PIK3CB: variants seen among roughly 807,000 people sequenced by gnomAD.
PIK3CB encodes phosphatidylinositol 4,5-bisphosphate 3-kinase catalytic subunit beta isoform.
A neutral mutation model predicts 136.8 loss-of-function variants in PIK3CB; 39 were observed. That is an observed-to-expected ratio of 0.29 (90% CI 0.22 to 0.37). The LOEUF (loss-of-function observed/expected upper bound fraction) is 0.37, where lower values mean the gene tolerates loss of function less well. Ranked by LOEUF, PIK3CB falls within the 10% of genes least tolerant of loss-of-function variation. The pLI, the probability that PIK3CB is intolerant of heterozygous loss-of-function variation, is 1.00. For missense variants in PIK3CB, 868 were observed against 1,275.4 expected, an observed-to-expected ratio of 0.68 and a Z score of 4.87; for synonymous variants, 428 against 436.6, an observed-to-expected ratio of 0.98 and a Z score of 0.25.
chr3:138,684,507 C>G, intron 17 of PIK3CB, 118 bp downstream of exon 17: 1 of 611,580 alleles, frequency 1.6e-6, no homozygotes, highest in Non-Finnish European at 2.6e-6. Context: ...TTAAGATTTT[C>G]CTTCCTTAAT....
chr3:138,776,922 C>CAAA lies in PIK3CB; in HGVS notation c.-16-17566_-16-17564dup, dbSNP rs11435742. ...TTGGTGACAGAGTGAGACTCTACCT[C>CAAA]AAAAAAAAAAAAAAAAAAAAAGAAT... On this transcript the variant is annotated intron_variant, in intron 2 of 23. Coordinates refer to ENST00000674063, the MANE Select transcript of PIK3CB (RefSeq NM_006219.3). Among the ~76,000 whole-genome samples, 180 of 56,652 alleles carry CAAA rather than the reference C, an allele frequency of 3.2e-3. 1 individual carries two copies. The Middle Eastern group carries it at 0.044, about 14-fold the overall frequency. 37.2% of individuals were successfully genotyped at this position (56,652 alleles called of 152,430 possible).
chr3:138,802,367 C>T (rs1341153268), intron 1 of PIK3CB, among the ~76,000 whole-genome samples: 1 of 146,532 alleles, frequency 6.8e-6, no homozygotes, highest in Non-Finnish European at 1.5e-5. Flanking sequence ...GTGACAGAGA[C>T]TCCATCTCAA....
In PIK3CB at chr3:138,731,878, G is replaced by A. The variant is rs2044982182; in HGVS notation, c.1050+1483C>T. Among the ~76,000 whole-genome samples, 3 of 151,782 alleles carry A rather than the reference G, an allele frequency of 2.0e-5. 1 individual carries two copies. In the South Asian group the frequency reaches 6.2e-4, roughly 32 times the overall value. On this transcript the variant is annotated intron_variant, in intron 8 of 23. Transcript: ENST00000674063. ...TGTGCCTGTAGTCCCAGTTACTGGG[G>A]AGGCTAAGGTAGAAGAATTGCTTGA...
rs1236586278 is a variant in PIK3CB at position 138,834,806 on chromosome 3, C to G, written c.-233G>C. On this transcript the variant is annotated 5_prime_UTR_variant, in exon 1 of 24. Coordinates refer to ENST00000674063, the MANE Select transcript of PIK3CB (RefSeq NM_006219.3). ...CCCCCATCCCTGCCTCTCTCGATCACCTCCCGCCTGCCCCGCGCAGCACTA... is the reference window on the plus strand; with the variant it reads ...CCCCCATCCCTGCCTCTCTCGATCAGCTCCCGCCTGCCCCGCGCAGCACTA... The G allele has an allele frequency of 2.0e-5, 3 of 153,326 alleles. No homozygotes were observed. Among genetic ancestry groups the G allele is most frequent in the African/African-American group, 7.2e-5 (3 of 41,392 alleles). The allele number at this position is 153,326 out of a possible 1,614,324, so 9.5% of individuals were successfully genotyped here.
At chr3:138,693,943 A>ATATATATATATATATATATAT (rs2044066528) in intron 14 of PIK3CB, among the ~76,000 whole-genome samples, 3 of 36,964 alleles carry the variant, frequency 8.1e-5, no homozygotes, top group African/African-American at 2.2e-4. Context: ...TAAAATATAT[A>ATATATATATATATATATATAT]TATATATATA....
intron 1 of PIK3CB, among the ~76,000 whole-genome samples, chr3:138,826,505 T>G (rs1190442262): frequency 2.7e-5 from 4 of 150,416 alleles, no homozygotes; most frequent in East Asian, 1.9e-4. Context: ...TTGGGTTTTT[T>G]TTTTTTTTTT....
chr3:138,698,669 G>A (rs1457326296), intron 13 of PIK3CB, among the ~76,000 whole-genome samples: 1 of 152,102 alleles, frequency 6.6e-6, no homozygotes, highest in Non-Finnish European at 1.5e-5. Flanking sequence ...ATTGTCCCAA[G>A]ATCAATGTTT....
intron 1 of PIK3CB, among the ~76,000 whole-genome samples, chr3:138,807,669 G>A (rs2046249278): frequency 6.6e-6 from 1 of 151,998 alleles, no homozygotes; most frequent in Non-Finnish European, 1.5e-5. Flanking sequence ...AAGGTGGGAG[G>A]ATCACTTGAG....
At chr3:138,681,385 T>G (rs904432346) in intron 19 of PIK3CB, among the ~76,000 whole-genome samples, 1 of 152,154 alleles carries the variant, frequency 6.6e-6, no homozygotes. Context: ...TTTTCACATC[T>G]TTTCCTTATG....
chr3:138,805,109 C>A (rs1024081889), intron 1 of PIK3CB, among the ~76,000 whole-genome samples: 1 of 151,484 alleles, frequency 6.6e-6, no homozygotes, highest in Non-Finnish European at 1.5e-5. Flanking sequence ...CAGAGGCAGG[C>A]GGATCACCTG....
intron 1 of PIK3CB, among the ~76,000 whole-genome samples, chr3:138,807,383 G>A (rs1005421355): frequency 3.9e-5 from 6 of 152,088 alleles, no homozygotes; most frequent in African/African-American, 1.4e-4. Flanking sequence ...GCAGTGAGCC[G>A]AGATTGTGCC....
chr3:138,739,060 T>G (rs1034400548), intron 5 of PIK3CB, among the ~76,000 whole-genome samples: 2 of 152,154 alleles, frequency 1.3e-5, no homozygotes, highest in African/African-American at 4.8e-5. Context: ...AAACCTAATC[T>G]CTAATGTGAT....
rs2045960281 is a variant in PIK3CB, at chr3:138,784,931, G to A, written c.-17+11532C>T. Among the ~76,000 whole-genome samples, 6 of 151,964 alleles carry A rather than the reference G, an allele frequency of 3.9e-5. No homozygotes were observed. In the South Asian group the frequency reaches 1.2e-3, roughly 32 times the overall value. On this transcript the variant is annotated intron_variant, in intron 2 of 23. Transcript: ENST00000674063. The stretch of plus-strand genomic sequence containing the variant: ...AGCCCCTCTGCCCGGCCGCCACCCC[G>A]TCTGGGAGGTGAGGAGCGTCTCTGC...
At chr3:138,743,911 T>C (rs2045293483) in intron 4 of PIK3CB, among the ~76,000 whole-genome samples, 1 of 152,212 alleles carries the variant, frequency 6.6e-6, no homozygotes, top group Admixed American at 6.5e-5. Context: ...AGCCTACTTA[T>C]GACCAGAAGC....
chr3:138,714,750 A>C, intron 8 of PIK3CB, 31 bp from the exon 9 acceptor site: 1 of 1,553,960 alleles, frequency 6.4e-7, no homozygotes, highest in Non-Finnish European at 8.7e-7. Flanking sequence ...ACAAAAACAA[A>C]GTCATGAATA....
intron 2 of PIK3CB, among the ~76,000 whole-genome samples, chr3:138,776,822 C>CTGAG (rs1348313974): frequency 6.8e-6 from 1 of 147,690 alleles, no homozygotes; most frequent in African/African-American, 2.5e-5. Context: ...ACTTGGGAGG[C>CTGAG]TGAGGTAGGA....
At chr3:138,806,229 G>C (rs948865059) in intron 1 of PIK3CB, among the ~76,000 whole-genome samples, 1 of 151,936 alleles carries the variant, frequency 6.6e-6, no homozygotes, top group Admixed American at 6.6e-5. Context: ...GCTCACACCT[G>C]TAACCCAGCA....
At chr3:138,691,379 C>G (rs2044004700) in intron 14 of PIK3CB, among the ~76,000 whole-genome samples, 1 of 152,134 alleles carries the variant, frequency 6.6e-6, no homozygotes, top group Non-Finnish European at 1.5e-5. Context: ...ATATTTTAAT[C>G]AAATGAATTA....
intron 17 of PIK3CB, 115 bp downstream of exon 17, chr3:138,684,510 T>C (rs2043842510): frequency 1.6e-6 from 1 of 634,802 alleles, no homozygotes; most frequent in East Asian, 3.1e-5. Flanking sequence ...AGATTTTCCT[T>C]CCTTAATTAT....
Sources: allele counts gnomAD v4.1 joint callset (sites outside exome capture counted in the v4.1 genomes callset), GRCh38; gene constraint gnomAD v4.1.1; transcripts MANE v1.5; gene names NCBI Gene and HGNC (gene_info 2026-07-23, HGNC 2026-07-21).